MND1: variants seen among roughly 807,000 people sequenced by gnomAD.
MND1 encodes meiotic nuclear division protein 1 homolog.
Under a neutral mutation model 35.1 loss-of-function variants are expected in MND1, and 28 were observed. The observed-to-expected ratio is 0.80, with a 90% CI of 0.59 to 1.09. The LOEUF (loss-of-function observed/expected upper bound fraction) is 1.09. Among genes scored for constraint, MND1 ranks in the 50% least tolerant of loss-of-function variants. The pLI is 0.00. For missense variants in MND1, 213 were observed against 239.6 expected, an observed-to-expected ratio of 0.89 and a Z score of 0.73; for synonymous variants, 69 against 70.5, an observed-to-expected ratio of 0.98 and a Z score of 0.11.
At chr4:153,391,415 G>A (rs905659741) in intron 4 of MND1, among the ~76,000 whole-genome samples, 5 of 151,916 alleles carry the variant, frequency 3.3e-5, no homozygotes, top group African/African-American at 1.2e-4. Flanking sequence ...TTTATAAATG[G>A]GAACTCTTTT....
At position 153,414,939 on chromosome 4, in the gene MND1, T is replaced by C. The variant is rs1000776492; in HGVS notation, c.*82T>C. 1.0e-5 allele frequency: 6 copies of C among 572,276 alleles called. No homozygotes were observed. The highest frequency in any genetic ancestry group is 1.5e-5 in the Non-Finnish European group (5 of 330,506). 35.4% of individuals were successfully genotyped at this position (572,276 alleles called of 1,614,324 possible). A position where few individuals can be genotyped will look rare whatever the true frequency, so the allele number is the denominator to read the frequency against. On this transcript the variant is annotated 3_prime_UTR_variant, in exon 8 of 8. Transcript: ENST00000240488. ...TTATCTAACTAAGTGTACTGAATTG[T>C]CGTTTGCCTGTAACTGTGTTTATCA...
chr4:153,388,597 T>G (rs1453307015), intron 4 of MND1, among the ~76,000 whole-genome samples: 1 of 152,226 alleles, frequency 6.6e-6, no homozygotes, highest in Non-Finnish European at 1.5e-5. Flanking sequence ...ATTATTTACT[T>G]TAGTGAAATT....
chr4:153,351,234 A>G (rs1308182808), intron 2 of MND1, among the ~76,000 whole-genome samples: 1 of 152,212 alleles, frequency 6.6e-6, no homozygotes, highest in Non-Finnish European at 1.5e-5. Flanking sequence ...CATTTACAAT[A>G]TTATTATCTC....
In MND1 at chr4:153,409,019, T is replaced by C. The variant is rs60121086; in HGVS notation, c.511+4T>C. ...GAAGCTGCTAACAGATGGACTGGTA[T>C]GTACTATAATAATGCTGATAAACTA... On this transcript the variant is annotated splice_donor_region_variant and intron_variant, in intron 7 of 7. Coordinates refer to ENST00000240488, the MANE Select transcript of MND1 (RefSeq NM_032117.4). 1.4e-3 allele frequency: 1,887 copies of C among 1,365,100 alleles called. 23 individuals carry two copies. In the African/African-American group the frequency reaches 0.026, roughly 19 times the overall value. 84.6% of individuals were successfully genotyped at this position (1,365,100 alleles called of 1,614,324 possible).
At chr4:153,412,903 C>T (rs1729728356) in intron 7 of MND1, among the ~76,000 whole-genome samples, 2 of 150,586 alleles carry the variant, frequency 1.3e-5, no homozygotes, top group Non-Finnish European at 2.9e-5. Flanking sequence ...CTCCCGGGTT[C>T]AAGCGATTCC....
At position 153,355,642 on chromosome 4, in the gene MND1, C is replaced by A; in HGVS notation, c.70-12C>A. ...CACGTGCTTTTCATTTTCTTTAAAA[C>A]CCTTTAAACAGAAAGATGTATTTCA... is the stretch of plus-strand genomic sequence containing the variant. On this transcript the variant is annotated splice_polypyrimidine_tract_variant and intron_variant, in intron 2 of 7. Coordinates refer to ENST00000240488, the MANE Select transcript of MND1 (RefSeq NM_032117.4). 1 of 1,546,370 alleles carries A rather than the reference C, an allele frequency of 6.5e-7. No homozygotes were observed. Among genetic ancestry groups the A allele is most frequent in the Non-Finnish European group, 8.9e-7 (1 of 1,124,032 alleles).
chr4:153,375,509 G>C (rs952335424), intron 4 of MND1, among the ~76,000 whole-genome samples: 4 of 152,026 alleles, frequency 2.6e-5, no homozygotes, highest in South Asian at 2.1e-4. Context: ...ATTACATTTA[G>C]TGGATAGTTG....
chr4:153,395,639 G>A (rs1409020204), intron 5 of MND1, among the ~76,000 whole-genome samples: 2 of 152,188 alleles, frequency 1.3e-5, no homozygotes, highest in African/African-American at 4.8e-5. Context: ...GGCAACTGCT[G>A]TTCTAAATGG....
intron 4 of MND1, among the ~76,000 whole-genome samples, chr4:153,369,195 C>T (rs1773731821): frequency 6.6e-6 from 1 of 152,192 alleles, no homozygotes; most frequent in African/African-American, 2.4e-5. Flanking sequence ...TGGTTTTCTC[C>T]GTAGTACAGC....
intron 4 of MND1, among the ~76,000 whole-genome samples, chr4:153,375,332 G>A (rs948839087): frequency 5.3e-5 from 8 of 152,094 alleles, no homozygotes; most frequent in Admixed American, 5.2e-4. Context: ...CATGAAGTAC[G>A]TATTGCTGCT....
chr4:153,348,666 T>G (rs1252002963), intron 1 of MND1, among the ~76,000 whole-genome samples: 1 of 152,066 alleles, frequency 6.6e-6, no homozygotes, highest in African/African-American at 2.4e-5. Context: ...TTTTTTTTTG[T>G]GTGTGTGGGC....
At chr4:153,349,094 C>CTT (rs56180318) in intron 1 of MND1, among the ~76,000 whole-genome samples, 2 of 137,562 alleles carry the variant, frequency 1.5e-5, no homozygotes, top group Non-Finnish European at 1.6e-5. Flanking sequence ...AGTTCTCACT[C>CTT]TTTTTTTTTT....
intron 4 of MND1, among the ~76,000 whole-genome samples, chr4:153,386,447 A>G (rs1253882036): frequency 3.3e-5 from 5 of 152,140 alleles, no homozygotes; most frequent in African/African-American, 1.2e-4. Context: ...ACAATGAGCT[A>G]TGATTGCACT....
intron 4 of MND1, among the ~76,000 whole-genome samples, chr4:153,386,135 TG>T: frequency 6.6e-6 from 1 of 152,272 alleles, no homozygotes; most frequent in East Asian, 1.9e-4. Flanking sequence ...AGTTGTACTT[TG>T]AACCTAAAAC....
chr4:153,398,742 A>G (rs1250102685), intron 6 of MND1, among the ~76,000 whole-genome samples: 1 of 151,646 alleles, frequency 6.6e-6, no homozygotes, highest in African/African-American at 2.4e-5. Context: ...CTGCAGAAGA[A>G]AGTGCTAATC....
intron 6 of MND1, among the ~76,000 whole-genome samples, chr4:153,408,686 T>C (rs2149659779): frequency 6.6e-6 from 1 of 152,136 alleles, no homozygotes; most frequent in East Asian, 1.9e-4. Context: ...GCAAGTACAA[T>C]GATGATGGAC....
chr4:153,376,184 G>A (rs1400984802), intron 4 of MND1, among the ~76,000 whole-genome samples: 1 of 152,088 alleles, frequency 6.6e-6, no homozygotes, highest in East Asian at 1.9e-4. Flanking sequence ...TAAAAGTCAA[G>A]AGATGACTTT....
At chr4:153,406,668 A>G (rs888318840) in intron 6 of MND1, among the ~76,000 whole-genome samples, 2 of 152,216 alleles carry the variant, frequency 1.3e-5, no homozygotes, top group African/African-American at 4.8e-5. Context: ...AGCAAAGGAT[A>G]TGAACGGACA....
At chr4:153,394,175 C>A in intron 4 of MND1, 87 bp from the exon 5 acceptor site, 1 of 1,191,356 alleles carries the variant, frequency 8.4e-7, no homozygotes, top group Non-Finnish European at 1.2e-6. Context: ...GGGGCGTGAG[C>A]CACTGCACCT....
Sources: allele counts gnomAD v4.1 joint callset (sites outside exome capture counted in the v4.1 genomes callset), GRCh38; gene constraint gnomAD v4.1.1; transcripts MANE v1.5; gene names NCBI Gene and HGNC (gene_info 2026-07-23, HGNC 2026-07-21).